Variants in KLHL13 observed in about 807,000 individuals in gnomAD.
KLHL13 encodes the protein kelch like family member 13.
A neutral mutation model predicts 37.1 loss-of-function variants in KLHL13; 10 were observed. The ratio of observed to expected loss-of-function variants is 0.27; its 90% CI spans 0.17 to 0.46. The LOEUF is 0.46. Among genes scored for constraint, KLHL13 ranks in the 20% least tolerant of loss-of-function variants. The probability of loss-of-function intolerance (pLI) is 1.00; values close to 1 mark genes in which losing one functional copy is unlikely to be tolerated. For synonymous variants in KLHL13, 163 were observed against 181.2 expected (o/e 0.90, Z 0.81); for missense variants, 360 against 509.3 (o/e 0.71, Z 2.82).
upstream of KLHL13, among the ~76,000 whole-genome samples, chrX:117,975,175 C>G (rs771507091): frequency 9.9e-6 from 1 of 100,592 alleles, no homozygotes; most frequent in East Asian, 2.8e-4. Context: ...AGGAGAAATA[C>G]ATACACACAC....
At chrX:117,999,974 C>T (rs1464615670) in intron 1 of KLHL13, among the ~76,000 whole-genome samples, 2 of 111,845 alleles carry the variant, frequency 1.8e-5, no homozygotes, top group Non-Finnish European at 3.8e-5. Flanking sequence ...TACTACATAA[C>T]TTCTTCTTTA....
At chrX:117,944,622 T>G (rs1423218482) in intron 2 of KLHL13, among the ~76,000 whole-genome samples, 1 of 111,545 alleles carries the variant, frequency 9.0e-6, no homozygotes, top group Non-Finnish European at 1.9e-5. Flanking sequence ...TAAATATGCA[T>G]TTAGAAAGGC....
exon 7 of KLHL13, chrX:117,898,837 G>A (rs1929893046): frequency 1.9e-6 from 2 of 1,063,425 alleles, no homozygotes; most frequent in Admixed American, 5.6e-5. Context: ...TACTACTTAA[G>A]GGGGAAAAAG....
intron 1 of KLHL13, among the ~76,000 whole-genome samples, chrX:118,020,157 CTT>C (rs1300539666): frequency 9.2e-6 from 1 of 108,310 alleles, no homozygotes; most frequent in Non-Finnish European, 1.9e-5. Context: ...TTTGTATCCT[CTT>C]TTATTTCCTT....
intron 1 of KLHL13, among the ~76,000 whole-genome samples, chrX:118,053,846 A>AGGAG (rs1569304270): frequency 7.2e-5 from 2 of 27,949 alleles, no homozygotes; most frequent in African/African-American, 4.8e-4. Flanking sequence ...AGAGAGAGAG[A>AGGAG]GAGGAGAGAG....
chrX:117,969,790 T>C (rs149159273), intron 1 of KLHL13, among the ~76,000 whole-genome samples: 4 of 111,824 alleles, frequency 3.6e-5, no homozygotes, highest in Non-Finnish European at 7.5e-5. Context: ...CAAAATTTTT[T>C]AAGTGCTTTA....
intron 1 of KLHL13, among the ~76,000 whole-genome samples, chrX:118,008,171 G>C (rs1027838453): frequency 9.0e-6 from 1 of 111,661 alleles, no homozygotes; most frequent in Non-Finnish European, 1.9e-5. Context: ...AGGAGCCTTT[G>C]AAAATTTTAC....
At chrX:117,980,763 C>T (rs949208990) in intron 1 of KLHL13, among the ~76,000 whole-genome samples, 3 of 111,538 alleles carry the variant, frequency 2.7e-5, no homozygotes, top group African/African-American at 9.8e-5. Context: ...CATATGCCCA[C>T]AGAAACTACT....
At chrX:117,905,660 T>C (rs1930467034) in intron 5 of KLHL13, among the ~76,000 whole-genome samples, 1 of 111,574 alleles carries the variant, frequency 9.0e-6, no homozygotes, top group Admixed American at 9.5e-5. Context: ...CTGTTTTTTT[T>C]TTAATTTTTA....
intron 1 of KLHL13, among the ~76,000 whole-genome samples, chrX:118,023,078 C>A (rs2054237002): frequency 9.0e-6 from 1 of 111,707 alleles, no homozygotes; most frequent in African/African-American, 3.3e-5. Flanking sequence ...ATATAAGGAT[C>A]CAGTTTCATT....
intron 1 of KLHL13, among the ~76,000 whole-genome samples, chrX:117,951,066 T>C (rs1457622537): frequency 8.9e-6 from 1 of 112,160 alleles, no homozygotes; most frequent in Non-Finnish European, 1.9e-5. Context: ...AAGATATTAA[T>C]AGCTTTTCTA....
chrX:117,917,663 A>G (rs1489460004), intron 4 of KLHL13, among the ~76,000 whole-genome samples: 2 of 111,638 alleles, frequency 1.8e-5, no homozygotes, highest in Non-Finnish European at 3.8e-5. Context: ...ACTTTTTTGT[A>G]TTGTGTATTA....
intron 1 of KLHL13, among the ~76,000 whole-genome samples, chrX:118,031,909 C>A (rs1042488451): frequency 1.3e-3 from 141 of 109,680 alleles, no homozygotes; most frequent in Non-Finnish European, 2.0e-3. Context: ...CGAAGCAGGG[C>A]AAGACATTGC....
At chrX:118,025,975 C>T (rs779507046) in intron 1 of KLHL13, among the ~76,000 whole-genome samples, 2 of 111,592 alleles carry the variant, frequency 1.8e-5, no homozygotes, top group East Asian at 2.8e-4. Flanking sequence ...CAGTTGGATT[C>T]GGTACTATCC....
At chrX:117,943,580 C>A (rs182255057) in intron 2 of KLHL13, among the ~76,000 whole-genome samples, 1 of 108,266 alleles carries the variant, frequency 9.2e-6, no homozygotes, top group East Asian at 3.0e-4. Flanking sequence ...TTAAGTTGAT[C>A]TTCAATCTCT....
At chrX:117,994,779 C>T (rs992254270) in intron 1 of KLHL13, among the ~76,000 whole-genome samples, 6 of 112,273 alleles carry the variant, frequency 5.3e-5, no homozygotes, top group Admixed American at 2.8e-4. Context: ...AATATGTTCT[C>T]ACTAAAAATT....
intron 4 of KLHL13, among the ~76,000 whole-genome samples, chrX:117,915,015 A>G (rs1395465516): frequency 8.9e-6 from 1 of 112,008 alleles, no homozygotes; most frequent in Non-Finnish European, 1.9e-5. Flanking sequence ...ATGGCCTTCT[A>G]TGTACTATTT....
intron 1 of KLHL13, among the ~76,000 whole-genome samples, chrX:117,960,658 G>A (rs1212363162): frequency 8.9e-6 from 1 of 112,035 alleles, no homozygotes; most frequent in African/African-American, 3.2e-5. Flanking sequence ...AAGACCTTCT[G>A]GTTGTTAACT....
chrX:118,070,126 A>G, intron 1 of KLHL13, among the ~76,000 whole-genome samples: 1 of 112,406 alleles, frequency 8.9e-6, no homozygotes, highest in East Asian at 2.8e-4. Flanking sequence ...GTAGTAGGCT[A>G]TACCACATAC....
Sources: allele counts gnomAD v4.1 joint callset (sites outside exome capture counted in the v4.1 genomes callset), GRCh38; gene constraint gnomAD v4.1.1; transcripts MANE v1.5; gene names NCBI Gene and HGNC (gene_info 2026-07-23, HGNC 2026-07-21).